Variants in CLUH observed in about 807,000 individuals in gnomAD.
The protein encoded by CLUH is CLUH binding protein of NUMT mRNA.
Under a neutral mutation model 139.3 loss-of-function variants are expected in CLUH, and 77 were observed. The observed-to-expected ratio is 0.55, with a 90% CI of 0.46 to 0.67. The LOEUF (loss-of-function observed/expected upper bound fraction) is 0.67, where lower values mean the gene tolerates loss of function less well. Among genes scored for constraint, CLUH ranks in the 30% least tolerant of loss-of-function variants. The pLI, the probability that CLUH is intolerant of heterozygous loss-of-function variation, is 0.00. For missense variants in CLUH, 1,876 were observed against 1,875.8 expected (o/e 1.00, Z 0.00); for synonymous variants, 999 against 801.6 (o/e 1.25, Z -4.16).
rs1179064367 is a variant in CLUH at position 2,690,468 on chromosome 17, G to C, written c.*126C>G. The C allele has an allele frequency of 6.1e-6, 5 of 816,178 alleles. No homozygotes were observed. In the African/African-American group the frequency reaches 9.0e-5, roughly 15 times the overall value. 50.6% of individuals were successfully genotyped at this position (816,178 alleles called of 1,614,324 possible). A position where few individuals can be genotyped will look rare whatever the true frequency, so the allele number is the denominator to read the frequency against. On this transcript the variant is annotated 3_prime_UTR_variant, in exon 26 of 26. Transcript: ENST00000651024. ...CAGGCTCCCAGGAGGACACGGGGGT[G>C]GGGTGGGGTGAGACGTGGAGGAAGA...
Position 2,694,484 on chromosome 17 carries a change from A to C in CLUH, c.2933T>G (p.Ile978Ser). Residue 978 changes from isoleucine to serine, a missense_variant, in exon 17 of 26, where the codon ATC becomes AGC. Transcript: ENST00000651024. ...GATGCTGTGAGCCATGCCCACCTGG[A>C]TCCCTGTTTTCAGCGAGATCTCCCG... is the stretch of plus-strand genomic sequence containing the variant. ...LLREISLKTG[I>S]QVLLKEYSFD... 1.3e-6 allele frequency: 2 copies of C among 1,576,928 alleles called. No homozygotes were observed. The highest frequency in any genetic ancestry group is 1.7e-6 in the Non-Finnish European group (2 of 1,161,604).
chr17:2,698,571 G>C lies in CLUH; in HGVS notation c.1286C>G (p.Ala429Gly). 1 of 1,606,092 alleles carries C rather than the reference G, an allele frequency of 6.2e-7. No individual in the cohort carries two copies. The highest frequency in any genetic ancestry group is 8.5e-7 in the Non-Finnish European group (1 of 1,175,938). ...AIFKVHSDFT[A>G]AATRGAMAVI... is the part of the protein sequence containing the mutation. ...GGCCATGGCGCCCCTGGTGGCTGCC[G>C]CGGTGAAGTCGCTGTGCACCTGGCG... is the stretch of plus-strand genomic sequence containing the variant. The change falls in exon 10 of 26, where the codon GCG becomes GGG. Residue 429 changes from alanine to glycine, a missense_variant. Transcript: ENST00000651024.
At chr17:2,692,215 G>GC in intron 22 of CLUH, 118 bp from the exon 23 acceptor site, 1 of 1,442,206 alleles carries the variant, frequency 6.9e-7, no homozygotes, top group Non-Finnish European at 9.3e-7. Flanking sequence ...GAGGGGAACA[G>GC]CAAGTCCAGG....
chr17:2,702,429 C>T (rs187650357), intron 3 of CLUH, among the ~76,000 whole-genome samples: 2 of 152,232 alleles, frequency 1.3e-5, no homozygotes, highest in Admixed American at 6.5e-5. Context: ...CCTGCTCTCC[C>T]GAGGCAGCCT....
rs759951436 is a variant in CLUH at position 2,696,738 on chromosome 17, G to A, written c.2166C>T (p.Ile722=). 3.2e-5 allele frequency: 52 copies of A among 1,612,138 alleles called. No homozygotes were observed. Among genetic ancestry groups the A allele is most frequent in the Middle Eastern group, 2.0e-4 (1 of 5,076 alleles). ...LAKVKELAET[I]AADDGTADPR... The stretch of plus-strand genomic sequence containing the variant: ...CCCCACCTGTGCCGTCGTCTGCGGC[G>A]ATGGTCTCTGCCAGCTCCTTCACCT... Residue 722 remains isoleucine, a synonymous_variant, in exon 11 of 26, where the codon ATC becomes ATT. Coordinates refer to ENST00000651024, the MANE Select transcript of CLUH (RefSeq NM_001366661.1).
chr17:2,695,688 G>T (rs975196519), intron 13 of CLUH, 162 bp from the exon 14 acceptor site: 5 of 985,652 alleles, frequency 5.1e-6, no homozygotes, highest in African/African-American at 1.6e-5. Context: ...TGGCAGGAGC[G>T]CAGGCCAAGA....
chr17:2,695,888 C>CT, intron 13 of CLUH: 1 of 585,232 alleles, frequency 1.7e-6, no homozygotes, highest in East Asian at 2.9e-5. Context: ...GCAGCCCCCA[C>CT]TGAGCTCTGG....
chr17:2,700,495 GA>G, intron 8 of CLUH, 21 bp from the exon 9 acceptor site: 2 of 1,603,716 alleles, frequency 1.2e-6, no homozygotes, highest in Non-Finnish European at 8.5e-7. Context: ...ATCAGGGAGG[GA>G]AAAACGAGCT....
rs766214328 is a variant in CLUH at position 2,698,417 on chromosome 17, G to A, written c.1440C>T (p.Asp480=). The change falls in exon 10 of 26, where the codon GAC becomes GAT. Residue 480 remains aspartate, a synonymous_variant. Transcript: ENST00000651024. The stretch of plus-strand genomic sequence containing the variant: ...TGGTGGGCGCCACGTAGGCCGCCAC[G>A]TCCCCCCCGAAGTCCTTGTAGTGGT... The part of the protein sequence containing the change: ...VRDHYKDFGG[D]VAAYVAPTND... The A allele has an allele frequency of 1.1e-5, 18 of 1,613,306 alleles. No homozygotes were observed. The highest frequency in any genetic ancestry group is 1.3e-5 in the African/African-American group (1 of 75,026).
At position 2,696,148 on chromosome 17, in the gene CLUH, C is replaced by T; in HGVS notation, c.2391+11G>A. The T allele has an allele frequency of 1.3e-6, 2 of 1,551,982 alleles. No homozygotes were observed. The highest frequency in any genetic ancestry group is 1.7e-6 in the Non-Finnish European group (2 of 1,146,986). ...CACAAGCCCCACCCAGCCCCGCAGC[C>T]CCTCCCTCACCAAGCCAGGGATCTG... is the stretch of plus-strand genomic sequence containing the variant. On this transcript the variant is annotated intron_variant, in intron 13 of 25. Coordinates refer to ENST00000651024, the MANE Select transcript of CLUH (RefSeq NM_001366661.1).
chr17:2,694,822 T>TACCCCCCCCC, intron 16 of CLUH, 35 bp downstream of exon 16: 8 of 1,346,332 alleles, frequency 5.9e-6, no homozygotes, highest in Non-Finnish European at 7.0e-6. Context: ...ATCTGCCCAA[T>TACCCCCCCCC]CCCACCCACC....
In CLUH at chr17:2,694,584, C is replaced by G; in HGVS notation, c.2853-20G>C. 6.4e-7 allele frequency: 1 copy of G among 1,555,028 alleles called. No homozygotes were observed. The highest frequency in any genetic ancestry group is 8.7e-7 in the Non-Finnish European group (1 of 1,147,626). On this transcript the variant is annotated intron_variant, in intron 16 of 25. Transcript: ENST00000651024. The stretch of plus-strand genomic sequence containing the variant: ...GTCTCACTGAGGAGGGAGCAGGGGG[C>G]CTGAGCAGCCCAAGCACCGCCGGGC...
intron 16 of CLUH, 35 bp downstream of exon 16, chr17:2,694,822 T>TCCCCCCCCCCCCCCCCC: frequency 3.7e-6 from 5 of 1,346,312 alleles, no homozygotes; most frequent in Admixed American, 2.6e-5. Context: ...ATCTGCCCAA[T>TCCCCCCCCCCCCCCCCC]CCCACCCACC....
chr17:2,694,834 C>G, intron 16 of CLUH, 23 bp downstream of exon 16: 1 of 1,469,574 alleles, frequency 6.8e-7, no homozygotes. Context: ...CCACCCACCC[C>G]ACCGCCCCTG....
chr17:2,702,367 G>T (rs2070217127), intron 3 of CLUH, among the ~76,000 whole-genome samples: 1 of 152,234 alleles, frequency 6.6e-6, no homozygotes, highest in African/African-American at 2.4e-5. Context: ...GCGCCAGTGT[G>T]TCGGCTGGGC....
At chr17:2,701,567 C>T (rs763523756) in intron 5 of CLUH, 46 bp downstream of exon 5, 53 of 1,611,252 alleles carry the variant, frequency 3.3e-5, no homozygotes, top group Non-Finnish European at 4.1e-5. Context: ...GGTGTGGGGC[C>T]TCCACCCCGC....
At position 2,691,668 on chromosome 17, in the gene CLUH, G is replaced by A. The variant is rs1335181916; in HGVS notation, c.3804C>T (p.Ser1268=). 3 of 1,612,454 alleles carry A rather than the reference G, an allele frequency of 1.9e-6. No individual in the cohort carries two copies. The highest frequency in any genetic ancestry group is 2.2e-5 in the East Asian group (1 of 44,828). The stretch of plus-strand genomic sequence containing the variant: ...TCAGCTGCTCCAAGACGCTGGCCAT[G>A]CTGGGGGCCGTGAACTGCGGGGCGG... ...NIPPLKFTAP[S]MASVLEQLNV... is the part of the protein sequence containing the mutation. The change falls in exon 25 of 26, where the codon AGC becomes AGT. Residue 1268 remains serine, a synonymous_variant. Coordinates refer to ENST00000651024, the MANE Select transcript of CLUH (RefSeq NM_001366661.1).
Position 2,694,165 on chromosome 17 carries a change from C to A in CLUH, c.3049G>T (p.Ala1017Ser). Residue 1017 changes from alanine to serine, a missense_variant, in exon 18 of 26, where the codon GCC becomes TCC. Around this residue, in one of 3 missense-constraint regions of CLUH, gnomAD observed 1,454 missense variants for 1,384.4 expected, o/e 1.05. Transcript: ENST00000651024. The stretch of plus-strand genomic sequence containing the variant: ...TGCCCGCTCTGGAAGAAATGGAAGG[C>A]ATCCGAGGCCTTGGGGTTGACGTGC... ...VKHVNPKASD[A>S]FHFFQSGQAK... 1 of 1,613,430 alleles carries A rather than the reference C, an allele frequency of 6.2e-7. No homozygotes were observed. The highest frequency in any genetic ancestry group is 8.5e-7 in the Non-Finnish European group (1 of 1,179,640).
chr17:2,700,245 G>C, intron 9 of CLUH, 137 bp downstream of exon 9: 1 of 718,828 alleles, frequency 1.4e-6, no homozygotes, highest in Non-Finnish European at 2.3e-6. Flanking sequence ...CCCTGCGGGA[G>C]ACGCTGACTG....
Sources: gnomAD v4.1 joint callset for allele counts (sites outside exome capture counted in the v4.1 genomes callset) on GRCh38, gnomAD v4.1.1 for gene constraint, gnomAD v4.1.1 regional missense constraint, MANE v1.5 for transcripts, NCBI Gene and HGNC (gene_info 2026-07-23, HGNC 2026-07-21) for gene names.